COL18A1: variants seen among roughly 807,000 people sequenced by gnomAD.
The protein encoded by COL18A1 is collagen type XVIII alpha 1 chain, also known as collagen alpha-1(XVIII) chain.
Under a neutral mutation model 168.0 loss-of-function variants are expected in COL18A1, and 133 were observed. The ratio of observed to expected loss-of-function variants is 0.79; its 90% CI spans 0.69 to 0.91. The LOEUF (loss-of-function observed/expected upper bound fraction) is 0.91, where lower values mean the gene tolerates loss of function less well. COL18A1 is among the 40% of genes least tolerant of loss of function. The probability of loss-of-function intolerance (pLI) is 0.00; values close to 1 mark genes in which losing one functional copy is unlikely to be tolerated. For synonymous variants in COL18A1, 949 were observed against 809.0 expected (o/e 1.17, Z -2.94); for missense variants, 2,126 against 1,925.4 (o/e 1.10, Z -1.95).
At chr21:45,419,495 G>A (rs1237405981) in intron 2 of COL18A1, among the ~76,000 whole-genome samples, 4 of 152,124 alleles carry the variant, frequency 2.6e-5, no homozygotes, top group Non-Finnish European at 5.9e-5. Flanking sequence ...CTCTGAGGCC[G>A]CCCATCACTG....
chr21:45,440,876 T>C lies in COL18A1; in HGVS notation c.107-27366T>C, dbSNP rs532934219. Among the ~76,000 whole-genome samples, 11 of 152,298 alleles carry C rather than the reference T, an allele frequency of 7.2e-5. No individual in the cohort carries two copies. In the South Asian group the frequency reaches 2.1e-3, roughly 29 times the overall value. Reference sequence around the variant, plus strand: ...GGCAGGGTGAGGTTTCCCAGCACCCTGGGTGATCTGAACTTGGGAGCAGGG... The same window carrying C: ...GGCAGGGTGAGGTTTCCCAGCACCCCGGGTGATCTGAACTTGGGAGCAGGG... On this transcript the variant is annotated intron_variant, in intron 2 of 41. Coordinates refer to ENST00000651438, the MANE Select transcript of COL18A1 (RefSeq NM_001379500.1).
intron 2 of COL18A1, among the ~76,000 whole-genome samples, chr21:45,407,178 A>G (rs374496867): frequency 7.2e-5 from 11 of 152,254 alleles, no homozygotes; most frequent in African/African-American, 2.7e-4. Context: ...ATGGGAAAAC[A>G]GTCGCCCCCT....
Position 45,423,550 on chromosome 21 carries a change from C to G in COL18A1, c.106+18077C>G, listed in dbSNP as rs574396581. 7.0e-6 allele frequency among the ~76,000 whole-genome samples: 1 copy of G among 143,814 alleles called. No individual in the cohort carries two copies. The highest frequency in any genetic ancestry group is 2.2e-4 in the East Asian group (1 of 4,524). 94.3% of individuals were successfully genotyped at this position (143,814 alleles called of 152,430 possible). A position where few individuals can be genotyped will look rare whatever the true frequency, so the allele number is the denominator to read the frequency against. On this transcript the variant is annotated intron_variant, in intron 2 of 41. Transcript: ENST00000651438. The surrounding 1 kb of genome is among the most constrained non-coding windows in gnomAD (Gnocchi z 4.0). ...GGGTCATATGAGTGGATCTGGAGGT[C>G]GGCCTCTCTTGAATCCCAGCCTCCT...
chr21:45,479,184 GT>G (rs202229928), intron 9 of COL18A1, among the ~76,000 whole-genome samples: 8,746 of 141,830 alleles, frequency 0.062, 272 homozygotes, highest in South Asian at 0.087. Context: ...GCGCGTGTGT[GT>G]GGGGGGGTGA....
At position 45,468,245 on chromosome 21, in the gene COL18A1, G is replaced by A. The variant is rs771318359; in HGVS notation, c.110G>A (p.Arg37His). 4.7e-5 allele frequency: 76 copies of A among 1,612,806 alleles called. No homozygotes were observed. The highest frequency in any genetic ancestry group is 6.7e-5 in the Admixed American group (4 of 60,008). ...GVRAASAEPE[R>H]ISEEVGLLQL... is the part of the protein sequence containing the mutation. ...CCAGCTGTCTTTCTTTTTGCAGAGC[G>A]CATCAGCGAGGAGGTGGGGCTGCTG... The change falls in exon 3 of 42, where the codon CGC becomes CAC. Residue 37 changes from arginine to histidine, a missense_variant. By Grantham distance (29) the Arg-to-His change is conservative. Coordinates refer to ENST00000651438, the MANE Select transcript of COL18A1 (RefSeq NM_001379500.1).
chr21:45,507,420 G>C (rs9984030), intron 37 of COL18A1, 141 bp from the exon 38 acceptor site: 6 of 822,122 alleles, frequency 7.3e-6, no homozygotes, highest in Non-Finnish European at 1.2e-5. Context: ...GCTTGGAGGG[G>C]CAGGTGCTGG....
chr21:45,494,825 G>T lies in COL18A1; in HGVS notation c.2380-37G>T, dbSNP rs745937440. ...CCCCAACTCGTGGTCAAGGGCCAGGGTCTGCCCCACTAAGCCTGGCCCCCT... is the reference window on the plus strand; with the variant it reads ...CCCCAACTCGTGGTCAAGGGCCAGGTTCTGCCCCACTAAGCCTGGCCCCCT... On this transcript the variant is annotated intron_variant, in intron 27 of 41. Transcript: ENST00000651438. 21 of 1,580,784 alleles carry T rather than the reference G, an allele frequency of 1.3e-5. No individual in the cohort carries two copies. The East Asian group carries it at 1.6e-4, about 12-fold the overall frequency.
At chr21:45,499,600 G>C (rs1386308224) in intron 32 of COL18A1, among the ~76,000 whole-genome samples, 1 of 152,120 alleles carries the variant, frequency 6.6e-6, no homozygotes, top group Non-Finnish European at 1.5e-5. Flanking sequence ...CCCAGGAACA[G>C]TGGGGTCAGA....
At chr21:45,458,102 C>CAGGGAGGGAGGGAGGG (rs893942428) in intron 2 of COL18A1, among the ~76,000 whole-genome samples, 1 of 27,728 alleles carries the variant, frequency 3.6e-5, no homozygotes, top group Non-Finnish European at 6.7e-5. Context: ...AATGGAGGGG[C>CAGGGAGGGAGGGAGGG]AGGGAGGGAG....
At position 45,495,360 on chromosome 21, in the gene COL18A1, T is replaced by C. The variant is rs755842193; in HGVS notation, c.2436T>C (p.Gly812=). 3.1e-6 allele frequency: 5 copies of C among 1,607,970 alleles called. No individual in the cohort carries two copies. The Admixed American group carries it at 8.4e-5, about 27-fold the overall frequency. ...CCACCCCCTGTGCTCCGCCCCAGGG[T>C]CGCCCCGGGATGAACGGATTGAAAG... The part of the protein sequence containing the change: ...KGEIGFPGRP[G]RPGMNGLKGE... Residue 812 remains glycine, a splice_region_variant and synonymous_variant, in exon 29 of 42, where the codon GGT becomes GGC. Coordinates refer to ENST00000651438, the MANE Select transcript of COL18A1 (RefSeq NM_001379500.1).
At chr21:45,447,931 C>T (rs1217383116) in intron 2 of COL18A1, among the ~76,000 whole-genome samples, 1 of 152,146 alleles carries the variant, frequency 6.6e-6, no homozygotes, top group Non-Finnish European at 1.5e-5. Flanking sequence ...AAGACAGAGG[C>T]AGCGTCTTCT....
chr21:45,417,359 A>T (rs570159694), intron 2 of COL18A1, among the ~76,000 whole-genome samples: 1 of 152,130 alleles, frequency 6.6e-6, no homozygotes, highest in Non-Finnish European at 1.5e-5. Flanking sequence ...GGGCTGTTCC[A>T]CTGTAGTCTC....
At chr21:45,430,687 G>T (rs1412793667) in intron 2 of COL18A1, among the ~76,000 whole-genome samples, 1 of 152,192 alleles carries the variant, frequency 6.6e-6, no homozygotes, top group African/African-American at 2.4e-5. Context: ...TCTCGTGGCT[G>T]GTCTGGGAGA....
At position 45,484,268 on chromosome 21, in the gene COL18A1, CAT is replaced by C. The variant is rs1255523820; in HGVS notation, c.1701+1449_1701+1450del. On this transcript the variant is annotated intron_variant, in intron 15 of 41. Coordinates refer to ENST00000651438, the MANE Select transcript of COL18A1 (RefSeq NM_001379500.1). ...TCTCCAGCATATGTGCACACACACA[CAT>C]AGGCACACACATCTCCAGCATATGT... Among the ~76,000 whole-genome samples, 82 of 149,130 alleles carry C rather than the reference CAT, an allele frequency of 5.5e-4. 1 individual carries two copies. The highest frequency in any genetic ancestry group is 1.6e-3 in the African/African-American group (65 of 39,790).
intron 2 of COL18A1, among the ~76,000 whole-genome samples, chr21:45,419,146 C>T (rs938230821): frequency 3.9e-5 from 6 of 152,200 alleles, no homozygotes; most frequent in African/African-American, 7.2e-5. Context: ...CACACGATGC[C>T]GTGTGTAGTG....
At chr21:45,455,465 C>T in intron 2 of COL18A1, 1 of 1,601,216 alleles carries the variant, frequency 6.2e-7, no homozygotes, top group Admixed American at 1.7e-5. Context: ...GGGCGTGAGC[C>T]TGGCTAGCCC....
intron 9 of COL18A1, 111 bp from the exon 10 acceptor site, chr21:45,479,791 T>A: frequency 6.7e-7 from 1 of 1,492,020 alleles, no homozygotes; most frequent in South Asian, 1.2e-5. Flanking sequence ...GAGACTCCCC[T>A]GAAGGGCTCA....
At position 45,491,392 on chromosome 21, in the gene COL18A1, CCA is replaced by C. The variant is rs1491327527; in HGVS notation, c.2157+82_2157+83del. On this transcript the variant is annotated intron_variant, in intron 22 of 41. Transcript: ENST00000651438. ...GCAGAGATCCCTCCCCGAGCCCCCC[CCA>C]CACCCCCACATCCCCCAGGTCAGGA... 3 of 729,530 alleles carry C rather than the reference CCA, an allele frequency of 4.1e-6. No individual in the cohort carries two copies. The East Asian group carries it at 8.1e-5, about 20-fold the overall frequency. The allele number at this position is 729,530 out of a possible 1,614,324, so 45.2% of individuals were successfully genotyped here. A position where few individuals can be genotyped will look rare whatever the true frequency, so the allele number is the denominator to read the frequency against.
chr21:45,484,871 A>G (rs1246698082), intron 15 of COL18A1, among the ~76,000 whole-genome samples: 1 of 152,264 alleles, frequency 6.6e-6, no homozygotes, highest in African/African-American at 2.4e-5. Flanking sequence ...TTAGATATGC[A>G]TGTATGAAAA....
Sources: gnomAD v4.1 joint callset for allele counts (sites outside exome capture counted in the v4.1 genomes callset) on GRCh38, gnomAD v4.1.1 for gene constraint, Gnocchi (gnomAD v3.1) non-coding constraint, MANE v1.5 for transcripts, NCBI Gene and HGNC (gene_info 2026-07-23, HGNC 2026-07-21) for gene names.